CERS3: variants seen among roughly 807,000 people sequenced by gnomAD.
The protein encoded by CERS3 is ceramide synthase 3.
Under a neutral mutation model 50.3 loss-of-function variants are expected in CERS3, and 33 were observed. That is an observed-to-expected ratio of 0.66 (90% confidence interval 0.50 to 0.88). CERS3 has a LOEUF of 0.88. Among genes scored for constraint, CERS3 ranks in the 40% least tolerant of loss-of-function variants. CERS3 has a pLI of 0.00. For missense variants in CERS3, 470 were observed against 460.3 expected (o/e 1.02, Z -0.19); for synonymous variants, 176 against 155.2 (o/e 1.13, Z -0.99).
intron 11 of CERS3, among the ~76,000 whole-genome samples, chr15:100,451,640 G>C (rs1181325733): frequency 6.6e-6 from 1 of 152,154 alleles, no homozygotes; most frequent in Admixed American, 6.5e-5. Flanking sequence ...CTGGGAGGCG[G>C]AGCTTGCAGT....
chr15:100,525,611 G>C (rs1181469160), intron 1 of CERS3, among the ~76,000 whole-genome samples: 4 of 152,124 alleles, frequency 2.6e-5, no homozygotes, highest in Admixed American at 2.6e-4. Context: ...GGAGAATTGT[G>C]GCTGTTACAG....
intron 11 of CERS3, among the ~76,000 whole-genome samples, chr15:100,419,440 G>T: frequency 4.5e-5 from 6 of 133,168 alleles, no homozygotes; most frequent in Non-Finnish European, 4.8e-5. Context: ...AGCAAGTCCT[G>T]AGTGACCTAC....
intron 10 of CERS3, among the ~76,000 whole-genome samples, chr15:100,459,614 A>C (rs2034486539): frequency 1.3e-5 from 2 of 152,186 alleles, no homozygotes; most frequent in Admixed American, 1.3e-4. Context: ...TTTTGATGTA[A>C]TTGTTTGATT....
Position 100,467,763 on chromosome 15 carries a change from C to A in CERS3, c.845+1615G>T, listed in dbSNP as rs796935753. Among the ~76,000 whole-genome samples the A allele has an allele frequency of 7.5e-3, 901 of 119,622 alleles. 23 individuals carry two copies. Among genetic ancestry groups the A allele is most frequent in the South Asian group, 0.022 (79 of 3,552 alleles). The allele number at this position is 119,622 out of a possible 152,430, so 78.5% of individuals were successfully genotyped here. On this transcript the variant is annotated intron_variant, in intron 10 of 11. Coordinates refer to ENST00000679737, the MANE Select transcript of CERS3 (RefSeq NM_001378789.1). The stretch of plus-strand genomic sequence containing the variant: ...GCTATCATTCTCTCTCTCTCTCTCT[C>A]TCTCTCTATATATATATACACACAT...
chr15:100,425,793 G>T, intron 11 of CERS3, among the ~76,000 whole-genome samples: 1 of 152,138 alleles, frequency 6.6e-6, no homozygotes, highest in Non-Finnish European at 1.5e-5. Flanking sequence ...GAATGATATG[G>T]TTTGGGATTT....
chr15:100,457,676 G>T (rs1029199568), intron 10 of CERS3, among the ~76,000 whole-genome samples: 1 of 152,200 alleles, frequency 6.6e-6, no homozygotes, highest in Non-Finnish European at 1.5e-5. Context: ...TTTTTCAAGG[G>T]TAAGTATATA....
intron 1 of CERS3, among the ~76,000 whole-genome samples, chr15:100,536,573 G>T (rs1168341607): frequency 6.6e-6 from 1 of 152,174 alleles, no homozygotes; most frequent in Non-Finnish European, 1.5e-5. Context: ...GCATGAGCCA[G>T]CATGACTGGC....
intron 11 of CERS3, among the ~76,000 whole-genome samples, chr15:100,410,490 A>G (rs2031398293): frequency 6.6e-6 from 1 of 152,152 alleles, no homozygotes; most frequent in South Asian, 2.1e-4. Flanking sequence ...CCCCTGATTA[A>G]AGTTGGATCA....
chr15:100,499,222 A>C (rs2035925038), intron 3 of CERS3, among the ~76,000 whole-genome samples: 1 of 152,202 alleles, frequency 6.6e-6, no homozygotes. Flanking sequence ...ACTCTGAGAC[A>C]ATGTGTTTAT....
intron 3 of CERS3, among the ~76,000 whole-genome samples, chr15:100,498,376 T>C (rs146808247): frequency 5.4e-4 from 82 of 152,260 alleles, no homozygotes; most frequent in African/African-American, 1.9e-3. Flanking sequence ...CAATAAATAG[T>C]TGATAAATTG....
At position 100,468,779 on chromosome 15, in the gene CERS3, G is replaced by C. The variant is rs76610678; in HGVS notation, c.845+599C>G. Among the ~76,000 whole-genome samples, 106 of 152,288 alleles carry C rather than the reference G, an allele frequency of 7.0e-4. 1 individual carries two copies. The East Asian group carries it at 0.019, about 27-fold the overall frequency. On this transcript the variant is annotated intron_variant, in intron 10 of 11. Transcript: ENST00000679737. The stretch of plus-strand genomic sequence containing the variant: ...ATGTAATATATGCTTTTCATTGCTG[G>C]TCTGTGGCTAAACAAAATCAACAGA...
chr15:100,512,602 G>C (rs2036378305), intron 2 of CERS3, among the ~76,000 whole-genome samples: 1 of 152,176 alleles, frequency 6.6e-6, no homozygotes, highest in African/African-American at 2.4e-5. Flanking sequence ...ATATCCCAGA[G>C]GTGTGACTGC....
rs116144033 is a variant in CERS3 at position 100,427,239 on chromosome 15, C to T, written c.1000-24374G>A. 4.6e-3 allele frequency among the ~76,000 whole-genome samples: 695 copies of T among 152,132 alleles called. 5 individuals carry two copies. The highest frequency in any genetic ancestry group is 0.015 in the African/African-American group (622 of 41,516). ...ACTTCAGATGGTTCCTGCTGGACAG[C>T]GCTGCATCCCTGTCTCGGAGGAGCG... On this transcript the variant is annotated intron_variant, in intron 11 of 11. Coordinates refer to ENST00000679737, the MANE Select transcript of CERS3 (RefSeq NM_001378789.1).
At chr15:100,531,488 A>G (rs1283520494), upstream of CERS3, among the ~76,000 whole-genome samples, 3 of 151,292 alleles carry the variant, frequency 2.0e-5, no homozygotes, top group African/African-American at 4.8e-5. Context: ...GTGTAAGTCT[A>G]GTCATCTCCA....
Position 100,401,052 on chromosome 15 carries a change from T to C in CERS3, c.*1661A>G, listed in dbSNP as rs1196367733. 6.6e-6 allele frequency: 1 copy of C among 152,220 alleles called. No homozygotes were observed. The highest frequency in any genetic ancestry group is 1.5e-5 in the Non-Finnish European group (1 of 68,034). The allele number at this position is 152,220 out of a possible 1,614,324, so 9.4% of individuals were successfully genotyped here. ...GTTTAGCCTTAAGGTTTCAAATGTA[T>C]ATTTTTATTTAAAAATAACAATAAC... is the stretch of plus-strand genomic sequence containing the variant. On this transcript the variant is annotated 3_prime_UTR_variant, in exon 12 of 12. Transcript: ENST00000679737.
intron 5 of CERS3, among the ~76,000 whole-genome samples, chr15:100,481,248 T>C (rs1272905388): frequency 6.6e-6 from 1 of 152,212 alleles, no homozygotes; most frequent in East Asian, 1.9e-4. Flanking sequence ...GGACTCTGCA[T>C]CGAGGAGTGT....
At chr15:100,437,504 G>T (rs2033474276) in intron 11 of CERS3, among the ~76,000 whole-genome samples, 1 of 152,182 alleles carries the variant, frequency 6.6e-6, no homozygotes, top group Non-Finnish European at 1.5e-5. Context: ...TGTCACTGGA[G>T]CCTTGGGTTT....
chr15:100,474,551 T>C (rs1288249470), intron 8 of CERS3, among the ~76,000 whole-genome samples: 2 of 152,128 alleles, frequency 1.3e-5, no homozygotes, highest in African/African-American at 4.8e-5. Context: ...ACTACAGGCA[T>C]GTGCCACCAC....
At chr15:100,473,077 C>G in intron 8 of CERS3, 25 bp from the exon 9 acceptor site, 4 of 1,596,722 alleles carry the variant, frequency 2.5e-6, no homozygotes, top group Non-Finnish European at 3.4e-6. Flanking sequence ...AAAATGGAAG[C>G]CATTAAGGAA....
Sources: gnomAD v4.1 joint callset for allele counts (sites outside exome capture counted in the v4.1 genomes callset) on GRCh38, gnomAD v4.1.1 for gene constraint, MANE v1.5 for transcripts, NCBI Gene and HGNC (gene_info 2026-07-23, HGNC 2026-07-21) for gene names.